The following GRPR variants were observed in gnomAD, a reference collection of about 807,000 sequenced individuals.
GRPR encodes the protein gastrin-releasing peptide receptor.
Under a neutral mutation model 15.6 loss-of-function variants are expected in GRPR, and 4 were observed. The observed-to-expected ratio is 0.26, with a 90% CI of 0.13 to 0.59. The LOEUF (loss-of-function observed/expected upper bound fraction) is 0.59. Ranked by LOEUF, GRPR falls within the 20% of genes least tolerant of loss-of-function variation. The pLI, the probability that GRPR is intolerant of heterozygous loss-of-function variation, is 0.90. For missense variants in GRPR, 270 were observed against 304.1 expected (o/e 0.89, Z 0.83); for synonymous variants, 128 against 126.8 (o/e 1.01, Z -0.06).
intron 2 of GRPR, among the ~76,000 whole-genome samples, chrX:16,150,885 T>A (rs1458255895): frequency 8.9e-6 from 1 of 112,173 alleles, no homozygotes; most frequent in Non-Finnish European, 1.9e-5. Flanking sequence ...CTGAAATATT[T>A]CAAGTGTGGG....
At chrX:16,136,023 A>C (rs1219029403) in intron 1 of GRPR, among the ~76,000 whole-genome samples, 1 of 111,921 alleles carries the variant, frequency 8.9e-6, no homozygotes, top group East Asian at 2.8e-4. Flanking sequence ...TTTAGTTTTA[A>C]GTATTCTTTA....
chrX:16,142,099 A>G (rs1333413179), intron 1 of GRPR, among the ~76,000 whole-genome samples: 3 of 112,280 alleles, frequency 2.7e-5, no homozygotes, highest in Non-Finnish European at 5.6e-5. Flanking sequence ...AGAGAGTAAT[A>G]TGAATATAAC....
At position 16,123,935 on chromosome X, in the gene GRPR, T is replaced by TG. The variant is rs759247320; in HGVS notation, c.-16dup. The TG allele has an allele frequency of 2.1e-4, 247 of 1,197,844 alleles. No homozygotes were observed. Among genetic ancestry groups the TG allele is most frequent in the Non-Finnish European group, 2.6e-4 (233 of 885,977 alleles). ...AATAGCATCTAAGGGAACTTTTAGG[T>TG]GGGAAAAAAAATCTAGAGATGGCTC... On this transcript the variant is annotated 5_prime_UTR_variant, in exon 1 of 3. Transcript: ENST00000380289.
chrX:16,136,377 G>T (rs1437303722), intron 1 of GRPR, among the ~76,000 whole-genome samples: 1 of 111,536 alleles, frequency 9.0e-6, no homozygotes, highest in Non-Finnish European at 1.9e-5. Context: ...TTTCCTAGAT[G>T]TATCTTGCTT....
At chrX:16,129,152 A>C (rs143901149) in intron 1 of GRPR, among the ~76,000 whole-genome samples, 2 of 112,028 alleles carry the variant, frequency 1.8e-5, no homozygotes, top group Admixed American at 1.9e-4. Context: ...ACTGGTTATA[A>C]GTTTCTTTGT....
rs1170918094 is a variant in GRPR, at chrX:16,153,477, A to G, written c.*832A>G. The stretch of plus-strand genomic sequence containing the variant: ...AGAAGAGCAATCCTTTTAGGAAAAA[A>G]AAAATCATGCTATTAATTAATCAAA... On this transcript the variant is annotated 3_prime_UTR_variant, in exon 3 of 3. Coordinates refer to ENST00000380289, the MANE Select transcript of GRPR (RefSeq NM_005314.3). 1.8e-5 allele frequency: 2 copies of G among 111,948 alleles called. No homozygotes were observed. Among genetic ancestry groups the G allele is most frequent in the Non-Finnish European group, 3.8e-5 (2 of 53,206 alleles). 9.2% of individuals were successfully genotyped at this position (111,948 alleles called of 1,213,427 possible).
At chrX:16,127,211 A>G (rs778760357) in intron 1 of GRPR, among the ~76,000 whole-genome samples, 3 of 111,272 alleles carry the variant, frequency 2.7e-5, no homozygotes, top group Non-Finnish European at 3.8e-5. Flanking sequence ...CCCCCTATAC[A>G]TTGCCCAGCA....
chrX:16,146,143 G>A (rs1458920496), intron 1 of GRPR, among the ~76,000 whole-genome samples: 1 of 111,710 alleles, frequency 9.0e-6, no homozygotes, highest in Non-Finnish European at 1.9e-5. Context: ...TCTTTCAGAG[G>A]GTAGCAAGTG....
chrX:16,129,937 AC>A (rs1400042844), intron 1 of GRPR, among the ~76,000 whole-genome samples: 1 of 111,363 alleles, frequency 9.0e-6, no homozygotes, highest in Non-Finnish European at 1.9e-5. Flanking sequence ...CACATGTGCC[AC>A]CAGACTTCTC....
At chrX:16,141,979 A>T (rs1304852504) in intron 1 of GRPR, among the ~76,000 whole-genome samples, 1 of 112,090 alleles carries the variant, frequency 8.9e-6, no homozygotes, top group Non-Finnish European at 1.9e-5. Flanking sequence ...TCTAGTTTTA[A>T]TTAAAGTAAC....
chrX:16,138,364 C>A (rs1373254133), intron 1 of GRPR, among the ~76,000 whole-genome samples: 1 of 111,749 alleles, frequency 8.9e-6, no homozygotes, highest in Non-Finnish European at 1.9e-5. Context: ...AGAAAAGATA[C>A]AGAATTGTAT....
intron 1 of GRPR, among the ~76,000 whole-genome samples, chrX:16,149,101 C>A (rs1442852236): frequency 8.9e-6 from 1 of 111,881 alleles, no homozygotes; most frequent in African/African-American, 3.3e-5. Context: ...AATTTCCACC[C>A]AAAGCAGGAC....
In GRPR at chrX:16,123,807, T is replaced by C. The variant is rs187402512; in HGVS notation, c.-147T>C. The stretch of plus-strand genomic sequence containing the variant: ...TAGTGACAGAGAGTTTTGAATACCA[T>C]AGTTAGTATATATGTACTCAGAGTA... On this transcript the variant is annotated 5_prime_UTR_variant, in exon 1 of 3. Coordinates refer to ENST00000380289, the MANE Select transcript of GRPR (RefSeq NM_005314.3). The C allele has an allele frequency of 2.0e-6, 1 of 512,253 alleles. No homozygotes were observed. The highest frequency in any genetic ancestry group is 2.3e-5 in the African/African-American group (1 of 42,842). The allele number at this position is 512,253 out of a possible 1,213,427, so 42.2% of individuals were successfully genotyped here.
Position 16,152,669 on chromosome X carries a change from G to A in GRPR, c.*24G>A. On this transcript the variant is annotated 3_prime_UTR_variant, in exon 3 of 3. Transcript: ENST00000380289. Reference sequence around the variant, plus strand: ...AGATTGACCCTTGATTTTGCCCCCTGAGGGACGGTTTTGCTTTATGGCTAG... The same window carrying A: ...AGATTGACCCTTGATTTTGCCCCCTAAGGGACGGTTTTGCTTTATGGCTAG... 1 of 1,183,486 alleles carries A rather than the reference G, an allele frequency of 8.4e-7. No homozygotes were observed. The highest frequency in any genetic ancestry group is 1.1e-6 in the Non-Finnish European group (1 of 870,415).
Position 16,124,335 on chromosome X carries a change from G to A in GRPR, c.382G>A (p.Val128Ile). 8.3e-7 allele frequency: 1 copy of A among 1,210,951 alleles called. No individual in the cohort carries two copies. Among genetic ancestry groups the A allele is most frequent in the Non-Finnish European group, 1.1e-6 (1 of 894,930 alleles). ...FIQLTSVGVS[V>I]FTLTALSADR... is the part of the protein sequence containing the mutation. Reference sequence around the variant, plus strand: ...ACAGCTTACCTCTGTTGGGGTGTCTGTCTTCACACTCACGGCGCTCTCGGC... The same window carrying A: ...ACAGCTTACCTCTGTTGGGGTGTCTATCTTCACACTCACGGCGCTCTCGGC... Residue 128 changes from valine (V) to isoleucine (I), a missense_variant, in exon 1 of 3, where the codon GTC becomes ATC. Physicochemically the swap from Val to Ile is conservative, Grantham distance 29. Transcript: ENST00000380289.
chrX:16,126,588 C>T, intron 1 of GRPR, among the ~76,000 whole-genome samples: 1 of 111,805 alleles, frequency 8.9e-6, no homozygotes, highest in Non-Finnish European at 1.9e-5. Context: ...TCTCTTATGC[C>T]CTTTCCTAGT....
intron 1 of GRPR, among the ~76,000 whole-genome samples, chrX:16,139,789 C>G (rs1922504497): frequency 9.0e-6 from 1 of 111,594 alleles, no homozygotes; most frequent in Non-Finnish European, 1.9e-5. Flanking sequence ...GAACAAGTTA[C>G]TTAACCTCTC....
intron 1 of GRPR, among the ~76,000 whole-genome samples, chrX:16,132,778 G>A (rs1257726627): frequency 9.0e-6 from 1 of 111,453 alleles, no homozygotes; most frequent in Non-Finnish European, 1.9e-5. Context: ...TTTCTTATCT[G>A]GACTGTAAAA....
chrX:16,152,763 G>T lies in GRPR; in HGVS notation c.*118G>T. The T allele has an allele frequency of 1.7e-6, 1 of 599,561 alleles. No homozygotes were observed. The highest frequency in any genetic ancestry group is 2.8e-6 in the Non-Finnish European group (1 of 353,458). 49.4% of individuals were successfully genotyped at this position (599,561 alleles called of 1,213,427 possible). ...AGCCTTCAGAATGCTCCTGAGTGGT[G>T]TAGGTGGGGGTGGGGAGGCCCAAAT... is the stretch of plus-strand genomic sequence containing the variant. On this transcript the variant is annotated 3_prime_UTR_variant, in exon 3 of 3. Transcript: ENST00000380289.
Sources: gnomAD v4.1 joint callset for allele counts (sites outside exome capture counted in the v4.1 genomes callset) on GRCh38, gnomAD v4.1.1 for gene constraint, MANE v1.5 for transcripts, NCBI Gene and HGNC (gene_info 2026-07-23, HGNC 2026-07-21) for gene names.